SCARA5: variants seen among roughly 807,000 people sequenced by gnomAD.
SCARA5 encodes the protein scavenger receptor class A member 5.
Under a neutral mutation model 46.3 loss-of-function variants are expected in SCARA5, and 45 were observed. That is an observed-to-expected ratio of 0.97 (90% CI 0.76 to 1.24). SCARA5 has a LOEUF of 1.24. Among genes scored for constraint, SCARA5 ranks in the 50% most tolerant of loss-of-function variants. The probability of loss-of-function intolerance (pLI) is 0.00; values close to 1 mark genes in which losing one functional copy is unlikely to be tolerated. For synonymous variants in SCARA5, 333 were observed against 306.5 expected, an observed-to-expected ratio of 1.09 and a Z score of -0.90; for missense variants, 680 against 689.0, an observed-to-expected ratio of 0.99 and a Z score of 0.15.
At chr8:27,891,954 G>A (rs917317909) in intron 7 of SCARA5, among the ~76,000 whole-genome samples, 3 of 152,234 alleles carry the variant, frequency 2.0e-5, no homozygotes, top group Non-Finnish European at 4.4e-5. Flanking sequence ...TGGTTAGAGC[G>A]TGGCTCTCAA....
intron 3 of SCARA5, among the ~76,000 whole-genome samples, chr8:27,962,833 A>G (rs1307791086): frequency 1.3e-5 from 2 of 152,218 alleles, no homozygotes; most frequent in African/African-American, 4.8e-5. Flanking sequence ...CCTACATCTC[A>G]TGACGTTTTA....
At chr8:27,987,757 C>T (rs976412436) in intron 1 of SCARA5, 127 bp from the exon 2 acceptor site, 4 of 622,292 alleles carry the variant, frequency 6.4e-6, no homozygotes, top group African/African-American at 5.5e-5. Context: ...TAAGCCTGAA[C>T]ACCGGGACCC....
intron 3 of SCARA5, among the ~76,000 whole-genome samples, chr8:27,954,114 T>C (rs1193089929): frequency 6.6e-6 from 1 of 152,206 alleles, no homozygotes; most frequent in African/African-American, 2.4e-5. Flanking sequence ...GTCTCTCCTT[T>C]GCTTGTGTCC....
chr8:27,980,765 C>T (rs1251340885), intron 2 of SCARA5, among the ~76,000 whole-genome samples: 5 of 152,236 alleles, frequency 3.3e-5, no homozygotes, highest in Non-Finnish European at 5.9e-5. Context: ...GCCATAGAAT[C>T]AGGAGCCCTC....
chr8:27,904,551 A>C (rs1016556724), intron 7 of SCARA5: 9 of 604,318 alleles, frequency 1.5e-5, no homozygotes, highest in African/African-American at 5.5e-5. Flanking sequence ...ATCCATGCAC[A>C]CAACCGCCAG....
chr8:27,921,734 C>T lies in SCARA5; in HGVS notation c.753G>A (p.Leu251=), dbSNP rs1483230513. ...HRTRLQDLRV[L]VSNASEDTRR... ...GCGTGTCCTCGCTGGCGTTGCTCAC[C>T]AGCACCCGCAGGTCCTGCAGCCGCG... Residue 251 remains leucine, a synonymous_variant, in exon 4 of 9, where the codon CTG becomes CTA. Transcript: ENST00000354914. The T allele has an allele frequency of 1.3e-6, 2 of 1,589,642 alleles. No homozygotes were observed. Among genetic ancestry groups the T allele is most frequent in the South Asian group, 1.1e-5 (1 of 87,448 alleles).
intron 3 of SCARA5, among the ~76,000 whole-genome samples, chr8:27,930,941 G>T (rs1267987997): frequency 1.3e-5 from 2 of 152,188 alleles, no homozygotes; most frequent in African/African-American, 4.8e-5. Flanking sequence ...TGTCAGAAGG[G>T]ATGGGACGGA....
chr8:27,911,331 A>G (rs1188288325), intron 4 of SCARA5, among the ~76,000 whole-genome samples: 2 of 152,118 alleles, frequency 1.3e-5, no homozygotes, highest in African/African-American at 2.4e-5. Context: ...CATACCCTTT[A>G]TATCCCTATA....
chr8:27,923,764 G>C (rs899885233), intron 3 of SCARA5, among the ~76,000 whole-genome samples: 4 of 152,050 alleles, frequency 2.6e-5, no homozygotes, highest in Non-Finnish European at 5.9e-5. Flanking sequence ...TAATAGAGAT[G>C]GGGTTTCACC....
At chr8:27,958,819 G>A (rs1335517153) in intron 3 of SCARA5, among the ~76,000 whole-genome samples, 1 of 152,196 alleles carries the variant, frequency 6.6e-6, no homozygotes, top group Non-Finnish European at 1.5e-5. Flanking sequence ...CTAGGCAATG[G>A]TTTCCTTTGA....
At chr8:27,981,892 C>A (rs1194815617) in intron 2 of SCARA5, among the ~76,000 whole-genome samples, 1 of 152,232 alleles carries the variant, frequency 6.6e-6, no homozygotes, top group Non-Finnish European at 1.5e-5. Flanking sequence ...ACGGCGGTGA[C>A]TCTTCCAGAG....
In SCARA5 at chr8:27,921,674, C is replaced by T; in HGVS notation, c.813G>A (p.Leu271=). The part of the protein sequence containing the change: ...RLRLAHVGME[L]QLKQELAMLN... Reference sequence around the variant, plus strand: ...GCATGGCCAGCTCCTGCTTCAGCTGCAGCTCCATGCCTACGTGCGCCAGGC... The same window carrying T: ...GCATGGCCAGCTCCTGCTTCAGCTGTAGCTCCATGCCTACGTGCGCCAGGC... The change falls in exon 4 of 9, where the codon CTG becomes CTA. Residue 271 remains leucine (L), a synonymous_variant. Transcript: ENST00000354914. The T allele has an allele frequency of 6.2e-7, 1 of 1,608,974 alleles. No homozygotes were observed.
chr8:27,897,819 T>C (rs1807089985), intron 7 of SCARA5, among the ~76,000 whole-genome samples: 1 of 152,268 alleles, frequency 6.6e-6, no homozygotes, highest in South Asian at 2.1e-4. Context: ...ACTCTGAACA[T>C]AAACTCCACA....
chr8:27,938,688 C>T (rs1807894695), intron 3 of SCARA5, among the ~76,000 whole-genome samples: 1 of 152,186 alleles, frequency 6.6e-6, no homozygotes, highest in South Asian at 2.1e-4. Context: ...TGCTCTTCTA[C>T]AGCCCAGAGT....
intron 7 of SCARA5, among the ~76,000 whole-genome samples, chr8:27,894,353 A>G (rs557899885): frequency 5.9e-4 from 90 of 152,332 alleles, no homozygotes; most frequent in Admixed American, 1.9e-3. Flanking sequence ...CAAATATTTA[A>G]TAACAGCCCT....
intron 6 of SCARA5, among the ~76,000 whole-genome samples, chr8:27,905,705 C>CTTT (rs869032548): frequency 1.2e-4 from 1 of 8,058 alleles, no homozygotes; most frequent in African/African-American, 2.2e-4. Flanking sequence ...CTTTTCTTTT[C>CTTT]TTTTTTTTTT....
At chr8:27,881,061 C>T (rs181000661) in intron 7 of SCARA5, among the ~76,000 whole-genome samples, 184 of 152,112 alleles carry the variant, frequency 1.2e-3, no homozygotes, top group African/African-American at 4.2e-3. Flanking sequence ...GCTGATAAGC[C>T]CGTGGAGAAA....
At chr8:27,874,241 C>T (rs1302313396) in intron 8 of SCARA5, among the ~76,000 whole-genome samples, 1 of 152,176 alleles carries the variant, frequency 6.6e-6, no homozygotes, top group Non-Finnish European at 1.5e-5. Context: ...CCATCTGTGC[C>T]TCACACATAG....
chr8:27,989,801 C>T (rs1037538545), intron 1 of SCARA5, among the ~76,000 whole-genome samples: 15 of 152,236 alleles, frequency 9.9e-5, no homozygotes, highest in Admixed American at 9.8e-4. Context: ...CCAATGCCTC[C>T]ACCCAGGCAG....
Sources: allele counts gnomAD v4.1 joint callset (sites outside exome capture counted in the v4.1 genomes callset), GRCh38; gene constraint gnomAD v4.1.1; transcripts MANE v1.5; gene names NCBI Gene and HGNC (gene_info 2026-07-23, HGNC 2026-07-21).